GRIA1: variants seen among roughly 807,000 people sequenced by gnomAD.
GRIA1 encodes the protein glutamate ionotropic receptor AMPA type subunit 1, also known as glutamate receptor 1.
A neutral mutation model predicts 99.2 loss-of-function variants in GRIA1; 31 were observed. That is an observed-to-expected ratio of 0.31 (90% CI 0.23 to 0.42). The LOEUF (loss-of-function observed/expected upper bound fraction) is 0.42, where lower values mean the gene tolerates loss of function less well. Among genes scored for constraint, GRIA1 ranks in the 10% least tolerant of loss-of-function variants. The probability of loss-of-function intolerance (pLI) is 1.00; values close to 1 mark genes in which losing one functional copy is unlikely to be tolerated. For synonymous variants in GRIA1, 438 were observed against 432.4 expected, an observed-to-expected ratio of 1.01 and a Z score of -0.16; for missense variants, 782 against 1,157.5, an observed-to-expected ratio of 0.68 and a Z score of 4.71.
chr5:153,548,733 T>A (rs1759840041), intron 2 of GRIA1, among the ~76,000 whole-genome samples: 1 of 152,186 alleles, frequency 6.6e-6, no homozygotes, highest in Non-Finnish European at 1.5e-5. Context: ...AATCAAAGTA[T>A]CTATCATTGC....
At chr5:153,651,957 A>G (rs949115976) in intron 4 of GRIA1, among the ~76,000 whole-genome samples, 2 of 152,222 alleles carry the variant, frequency 1.3e-5, no homozygotes, top group Non-Finnish European at 2.9e-5. Flanking sequence ...ATCTTTCTAC[A>G]TCTCAAGTTC....
chr5:153,724,060 C>T (rs796518077), intron 11 of GRIA1, among the ~76,000 whole-genome samples: 8 of 152,180 alleles, frequency 5.3e-5, no homozygotes, highest in African/African-American at 1.4e-4. Context: ...TCCAGAGGAA[C>T]GATCAGACAG....
At chr5:153,685,373 T>C (rs1757269710) in intron 7 of GRIA1, among the ~76,000 whole-genome samples, 1 of 152,206 alleles carries the variant, frequency 6.6e-6, no homozygotes, top group South Asian at 2.1e-4. Flanking sequence ...TGACTTTTGA[T>C]ATGAATTTGA....
At chr5:153,532,485 T>C (rs769209907) in intron 2 of GRIA1, among the ~76,000 whole-genome samples, 8 of 152,234 alleles carry the variant, frequency 5.3e-5, no homozygotes, top group Non-Finnish European at 8.8e-5. Context: ...GCTGAATGAA[T>C]GAATGCTAAG....
At chr5:153,590,871 C>A (rs1337365053) in intron 2 of GRIA1, among the ~76,000 whole-genome samples, 1 of 152,134 alleles carries the variant, frequency 6.6e-6, no homozygotes, top group South Asian at 2.1e-4. Context: ...AAGAATACCA[C>A]CTTTTTTTCT....
At chr5:153,577,134 ATGGATGGATGGATGGATGGT>A (rs1246300299) in intron 2 of GRIA1, among the ~76,000 whole-genome samples, 1 of 88,354 alleles carries the variant, frequency 1.1e-5, no homozygotes, top group Admixed American at 1.4e-4. Context: ...GAATGGGTGG[ATGGATGGATGGATGGATGGT>A]TGGATGGATG....
intron 2 of GRIA1, among the ~76,000 whole-genome samples, chr5:153,536,048 C>A (rs1181254324): frequency 1.3e-5 from 2 of 152,176 alleles, no homozygotes; most frequent in Admixed American, 6.5e-5. Context: ...TTGTTCCACA[C>A]CTGGGGAAAT....
intron 1 of GRIA1, chr5:153,491,345 GGT>G (rs1753899826): frequency 6.3e-6 from 7 of 1,108,312 alleles, no homozygotes; most frequent in African/African-American, 1.6e-5. Context: ...AAGTATGTAT[GGT>G]GTGTGTGTTT....
At chr5:153,602,796 G>A (rs1460511295) in intron 2 of GRIA1, among the ~76,000 whole-genome samples, 1 of 141,614 alleles carries the variant, frequency 7.1e-6, no homozygotes, top group Non-Finnish European at 1.5e-5. Flanking sequence ...CAAGGCCAAA[G>A]TGTTTTCATT....
At chr5:153,692,705 G>A (rs10515698) in intron 8 of GRIA1, among the ~76,000 whole-genome samples, 14,189 of 152,064 alleles carry the variant, frequency 0.093, 806 homozygotes, top group Non-Finnish European at 0.12. Context: ...GTTCTAAAAC[G>A]CCAACTCTTT....
rs117911855 is a variant in GRIA1, at chr5:153,710,762, C to G, written c.1823+4695C>G. 4.3e-4 allele frequency among the ~76,000 whole-genome samples: 65 copies of G among 152,246 alleles called. No homozygotes were observed. In the East Asian group the frequency reaches 0.012, roughly 28 times the overall value. ...TATATTGGTGATGGAGTGTGGAGGG[C>G]AGGAGCCTTTGCTTCAAGGAGCTGG... On this transcript the variant is annotated intron_variant, in intron 11 of 15. Transcript: ENST00000285900.
chr5:153,747,887 C>CTATT (rs1447342031), intron 11 of GRIA1, among the ~76,000 whole-genome samples: 1 of 152,220 alleles, frequency 6.6e-6, no homozygotes, highest in African/African-American at 2.4e-5. Flanking sequence ...CACATCTCTT[C>CTATT]TATTAAATTG....
chr5:153,511,802 C>T (rs1035259988), intron 2 of GRIA1, among the ~76,000 whole-genome samples: 4 of 152,162 alleles, frequency 2.6e-5, no homozygotes, highest in Non-Finnish European at 5.9e-5. Flanking sequence ...AACAGTTTTA[C>T]CCAGAACAAG....
At position 153,811,083 on chromosome 5, in the gene GRIA1, C is replaced by A; in HGVS notation, c.2579C>A (p.Pro860His). 1 of 1,614,136 alleles carries A rather than the reference C, an allele frequency of 6.2e-7. No homozygotes were observed. Among genetic ancestry groups the A allele is most frequent in the Non-Finnish European group, 8.5e-7 (1 of 1,179,978 alleles). ...INEAIRTSTL[P>H]RNSGAGASSG... ...GAAGCCATACGGACATCGACCCTCC[C>A]CCGCAACAGCGGGGCAGGAGCCAGC... The change falls in exon 16 of 16, where the codon CCC becomes CAC. Residue 860 changes from proline (P) to histidine (H), a missense_variant. Physicochemically the swap from Pro to His is moderately conservative, Grantham distance 77. This residue lies in a region of GRIA1 where 76 missense variants were observed against 81.2 expected (regional missense o/e 0.94). Transcript: ENST00000285900.
chr5:153,576,283 G>A (rs911390008), intron 2 of GRIA1, among the ~76,000 whole-genome samples: 2 of 152,328 alleles, frequency 1.3e-5, no homozygotes, highest in Middle Eastern at 3.4e-3. Flanking sequence ...AAAAACATAA[G>A]TATCCTAAGG....
At chr5:153,765,198 C>CCTCTGCTTT (rs1763434685) in intron 12 of GRIA1, among the ~76,000 whole-genome samples, 1 of 152,106 alleles carries the variant, frequency 6.6e-6, no homozygotes, top group African/African-American at 2.4e-5. Flanking sequence ...AGCAAAGGAG[C>CCTCTGCTTT]AGAGAGCTTA....
intron 11 of GRIA1, among the ~76,000 whole-genome samples, chr5:153,717,388 G>C (rs771296201): frequency 1.3e-5 from 2 of 152,064 alleles, no homozygotes; most frequent in Non-Finnish European, 2.9e-5. Flanking sequence ...GTGAGCAAGC[G>C]CACTAAGGTG....
chr5:153,530,782 C>T (rs1404457735), intron 2 of GRIA1, among the ~76,000 whole-genome samples: 1 of 152,210 alleles, frequency 6.6e-6, no homozygotes, highest in Non-Finnish European at 1.5e-5. Context: ...GTGATAGACA[C>T]TGAAGGATAT....
intron 11 of GRIA1, among the ~76,000 whole-genome samples, chr5:153,743,022 A>G (rs1274400531): frequency 1.3e-5 from 2 of 152,246 alleles, no homozygotes; most frequent in Non-Finnish European, 2.9e-5. Context: ...TAGTGTGCTT[A>G]GGTAACTTGT....
Sources: gnomAD v4.1 joint callset for allele counts (sites outside exome capture counted in the v4.1 genomes callset) on GRCh38, gnomAD v4.1.1 for gene constraint, gnomAD v4.1.1 regional missense constraint, MANE v1.5 for transcripts, NCBI Gene and HGNC (gene_info 2026-07-23, HGNC 2026-07-21) for gene names.